Variants in ZNF717 observed in about 807,000 individuals in gnomAD.
ZNF717 encodes the protein zinc finger protein 717.
A neutral mutation model predicts 13.8 loss-of-function variants in ZNF717; 9 were observed. The ratio of observed to expected loss-of-function variants is 0.65; its 90% CI spans 0.39 to 1.14. ZNF717 has a LOEUF of 1.14. Ranked by LOEUF, ZNF717 falls within the 50% of genes most tolerant of loss-of-function variation. The pLI is 0.01. For synonymous variants in ZNF717, 327 were observed against 364.1 expected, an observed-to-expected ratio of 0.90 and a Z score of 1.16; for missense variants, 1,040 against 1,080.7, an observed-to-expected ratio of 0.96 and a Z score of 0.53.
chr3:75,715,739 T>G (rs1938034499), intron 5 of ZNF717, among the ~76,000 whole-genome samples: 1 of 152,030 alleles, frequency 6.6e-6, no homozygotes, highest in Non-Finnish European at 1.5e-5. Context: ...CCATAAACAG[T>G]GAATGGGCAG....
downstream of ZNF717, among the ~76,000 whole-genome samples, chr3:75,725,699 G>A (rs377645790): frequency 7.2e-6 from 1 of 138,844 alleles, no homozygotes; most frequent in African/African-American, 2.6e-5. Flanking sequence ...AGACAAGAGA[G>A]AGCATGTGTA....
chr3:75,782,674 G>A (rs1415797796), intron 2 of ZNF717, among the ~76,000 whole-genome samples: 1 of 151,764 alleles, frequency 6.6e-6, no homozygotes, highest in Non-Finnish European at 1.5e-5. Flanking sequence ...GTGCTTTAGC[G>A]GCAGATGACC....
chr3:75,756,255 G>C (rs987814231), intron 2 of ZNF717, among the ~76,000 whole-genome samples: 1 of 152,152 alleles, frequency 6.6e-6, no homozygotes, highest in Admixed American at 6.5e-5. Flanking sequence ...TGACAAATGC[G>C]TGTGTTCTGA....
chr3:75,765,177 C>T (rs113034552), intron 2 of ZNF717, among the ~76,000 whole-genome samples: 7,726 of 63,628 alleles, frequency 0.12, no homozygotes, highest in Non-Finnish European at 0.17. Flanking sequence ...GGTATATAAG[C>T]CAAATTTTTA....
rs1175418373 is a variant in ZNF717, at chr3:75,722,949, C to T, written n.545-6408G>A. ...TTTTTCTGCTATATCACATTAAAAC[C>T]TATAGGTCTATTTTCAATGTTAATG... On this transcript the variant is annotated intron_variant and non_coding_transcript_variant, in intron 4 of 5. Coordinates refer to the ZNF717 transcript ENST00000491507. Among the ~76,000 whole-genome samples the T allele has an allele frequency of 3.4e-4, 51 of 152,108 alleles. No individual in the cohort carries two copies. The South Asian group carries it at 0.011, about 32-fold the overall frequency.
At chr3:75,784,600 A>G (rs1319856372) in intron 1 of ZNF717, among the ~76,000 whole-genome samples, 3 of 152,170 alleles carry the variant, frequency 2.0e-5, no homozygotes, top group African/African-American at 7.2e-5. Flanking sequence ...ACCCCAGACC[A>G]CACTTTCAGG....
intron 2 of ZNF717, among the ~76,000 whole-genome samples, chr3:75,759,509 TG>T: frequency 6.6e-6 from 1 of 152,318 alleles, no homozygotes; most frequent in South Asian, 2.1e-4. Context: ...TCTCCTGACA[TG>T]ATCTGCCTGC....
At chr3:75,782,634 C>A (rs889893247) in intron 2 of ZNF717, among the ~76,000 whole-genome samples, 1 of 151,958 alleles carries the variant, frequency 6.6e-6, no homozygotes, top group Non-Finnish European at 1.5e-5. Flanking sequence ...GCTTTAGCGG[C>A]AGATGACCAT....
chr3:75,782,011 G>T (rs913673587), intron 2 of ZNF717, among the ~76,000 whole-genome samples: 1 of 152,080 alleles, frequency 6.6e-6, no homozygotes, highest in African/African-American at 2.4e-5. Context: ...CCCTTATCCG[G>T]GGCCGAGAGA....
At chr3:75,782,355 G>A (rs1468541105) in intron 2 of ZNF717, among the ~76,000 whole-genome samples, 1 of 152,204 alleles carries the variant, frequency 6.6e-6, no homozygotes, top group Non-Finnish European at 1.5e-5. Context: ...AGGACCTGTG[G>A]TTAACTCAGT....
At chr3:75,775,057 G>C (rs1033321913) in intron 2 of ZNF717, among the ~76,000 whole-genome samples, 5 of 152,112 alleles carry the variant, frequency 3.3e-5, no homozygotes, top group Non-Finnish European at 5.9e-5. Context: ...CACCTCCTGG[G>C]TTCAAGCGAT....
chr3:75,737,287 G>A lies in ZNF717; in HGVS notation c.2336C>T (p.Thr779Ile), dbSNP rs79994093. ...TTCATAGGGTTTCTCTCCTGAGTGA[G>A]TCCCCTGATGCGTACTGAGGTTTGA... ...HKSNLSTHQG[T>I]HSGEKPYECD... Residue 779 changes from threonine to isoleucine, a missense_variant, in exon 5 of 5, where the codon ACT (threonine) becomes ATT (isoleucine). Physicochemically the swap from Thr to Ile is moderately conservative, Grantham distance 89. Transcript: ENST00000652011. The A allele has an allele frequency of 6.4e-7, 1 of 1,552,836 alleles. No homozygotes were observed. Among genetic ancestry groups the A allele is most frequent in the Non-Finnish European group, 8.7e-7 (1 of 1,147,778 alleles).
At chr3:75,753,476 C>T (rs1160005582) in intron 2 of ZNF717, among the ~76,000 whole-genome samples, 43 of 148,360 alleles carry the variant, frequency 2.9e-4, no homozygotes, top group African/African-American at 1.1e-3. Context: ...GATTCCAGAA[C>T]ACTGCTGCTA....
chr3:75,765,132 C>A (rs541079245), intron 2 of ZNF717, among the ~76,000 whole-genome samples: 251 of 149,198 alleles, frequency 1.7e-3, no homozygotes, highest in African/African-American at 5.6e-3. Context: ...AACATGAAAC[C>A]TACTTAACAA....
At chr3:75,763,024 C>G (rs1352461328) in intron 2 of ZNF717, among the ~76,000 whole-genome samples, 1 of 152,200 alleles carries the variant, frequency 6.6e-6, no homozygotes, top group Non-Finnish European at 1.5e-5. Flanking sequence ...TTACCTTACA[C>G]CACGTTAAAA....
chr3:75,740,527 G>A (rs1256313552), intron 4 of ZNF717, among the ~76,000 whole-genome samples: 1 of 150,522 alleles, frequency 6.6e-6, no homozygotes, highest in African/African-American at 2.4e-5. Flanking sequence ...AGCCTCCCAA[G>A]TATAAAAACT....
At chr3:75,750,483 T>C (rs1445957660) in intron 2 of ZNF717, among the ~76,000 whole-genome samples, 1 of 151,354 alleles carries the variant, frequency 6.6e-6, no homozygotes, top group Non-Finnish European at 1.5e-5. Context: ...AGTACACTCC[T>C]GCTGTGGTCT....
chr3:75,758,945 A>C (rs1301638862), intron 2 of ZNF717, among the ~76,000 whole-genome samples: 1 of 152,210 alleles, frequency 6.6e-6, no homozygotes, highest in Non-Finnish European at 1.5e-5. Flanking sequence ...GGCTGCAATT[A>C]CTCCAGCCTG....
At chr3:75,744,309 T>C (rs1940869227) in intron 2 of ZNF717, among the ~76,000 whole-genome samples, 1 of 152,092 alleles carries the variant, frequency 6.6e-6, no homozygotes, top group Non-Finnish European at 1.5e-5. Flanking sequence ...TTGGAAGTAA[T>C]CAATAATTAC....
Sources: gnomAD v4.1 joint callset for allele counts (sites outside exome capture counted in the v4.1 genomes callset) on GRCh38, gnomAD v4.1.1 for gene constraint, MANE v1.5 for transcripts, NCBI Gene and HGNC (gene_info 2026-07-23, HGNC 2026-07-21) for gene names.